TRNAU1AP: variants seen among roughly 807,000 people sequenced by gnomAD.
The protein encoded by TRNAU1AP is tRNA selenocysteine 1 associated protein 1.
TRNAU1AP carries 33 observed loss-of-function variants against 43.3 expected under a neutral mutation model. The ratio of observed to expected loss-of-function variants is 0.76; its 90% CI spans 0.58 to 1.02. The LOEUF (loss-of-function observed/expected upper bound fraction) is 1.02. Among genes scored for constraint, TRNAU1AP ranks in the 50% least tolerant of loss-of-function variants. The probability of loss-of-function intolerance (pLI) is 0.00; values close to 1 mark genes in which losing one functional copy is unlikely to be tolerated. For synonymous variants in TRNAU1AP, 143 were observed against 129.1 expected, an observed-to-expected ratio of 1.11 and a Z score of -0.73; for missense variants, 290 against 362.7, an observed-to-expected ratio of 0.80 and a Z score of 1.63.
chr1:28,554,275 A>G (rs186381491), intron 2 of TRNAU1AP, among the ~76,000 whole-genome samples: 125 of 151,952 alleles, frequency 8.2e-4, no homozygotes, highest in Non-Finnish European at 1.3e-3. Context: ...CTACTCTATG[A>G]CCTTGGGTAA....
intron 6 of TRNAU1AP, among the ~76,000 whole-genome samples, chr1:28,569,116 G>A (rs977810980): frequency 1.3e-5 from 2 of 151,994 alleles, no homozygotes; most frequent in African/African-American, 2.4e-5. Context: ...CAGCCAAATA[G>A]CCATGTTTTT....
chr1:28,561,125 C>T, intron 3 of TRNAU1AP: 1 of 1,406,600 alleles, frequency 7.1e-7, no homozygotes, highest in Non-Finnish European at 9.2e-7. Context: ...ACTTAGCTTA[C>T]AGCTGCACCA....
At chr1:28,565,777 A>T (rs1665523616) in intron 5 of TRNAU1AP, 1 of 148,566 alleles carries the variant, frequency 6.7e-6, no homozygotes, top group Non-Finnish European at 1.5e-5. Context: ...ACAGAGCAAG[A>T]TTCTGTCTCA....
intron 3 of TRNAU1AP, 154 bp from the exon 4 acceptor site, chr1:28,561,192 C>T (rs949780679): frequency 8.2e-6 from 12 of 1,458,770 alleles, no homozygotes; most frequent in South Asian, 1.4e-5. Context: ...AGCGGTCATC[C>T]GTGCAACCCC....
At chr1:28,557,648 G>T (rs1467342552) in intron 2 of TRNAU1AP, among the ~76,000 whole-genome samples, 1 of 151,614 alleles carries the variant, frequency 6.6e-6, no homozygotes, top group Non-Finnish European at 1.5e-5. Flanking sequence ...GAGTGCAGTG[G>T]CGCAATCTTA....
At chr1:28,575,523 C>G (rs1422594104) in intron 8 of TRNAU1AP, among the ~76,000 whole-genome samples, 1 of 147,720 alleles carries the variant, frequency 6.8e-6, no homozygotes, top group Non-Finnish European at 1.5e-5. Flanking sequence ...AGTGCAGTGG[C>G]GCGATCTCAG....
intron 3 of TRNAU1AP, chr1:28,561,082 T>C (rs768930687): frequency 2.3e-5 from 31 of 1,373,160 alleles, no homozygotes; most frequent in Non-Finnish European, 2.9e-5. Context: ...AGGACACATT[T>C]CAAGAGAGTT....
chr1:28,563,965 G>A (rs1010652614), intron 4 of TRNAU1AP, among the ~76,000 whole-genome samples: 2 of 152,048 alleles, frequency 1.3e-5, no homozygotes, highest in Admixed American at 1.3e-4. Flanking sequence ...TCACCCACAA[G>A]CTCGCAGTGG....
At chr1:28,569,985 A>G (rs1474359611) in intron 6 of TRNAU1AP, among the ~76,000 whole-genome samples, 1 of 151,778 alleles carries the variant, frequency 6.6e-6, no homozygotes, top group Non-Finnish European at 1.5e-5. Flanking sequence ...TGGGCGACAG[A>G]GCAAGACTCT....
intron 8 of TRNAU1AP, among the ~76,000 whole-genome samples, chr1:28,574,234 T>C (rs1174529286): frequency 6.6e-6 from 1 of 151,862 alleles, no homozygotes; most frequent in Non-Finnish European, 1.5e-5. Flanking sequence ...ATTACAGGCA[T>C]GCACCACCAC....
chr1:28,553,533 C>A (rs1207886425), intron 1 of TRNAU1AP, 107 bp from the exon 2 acceptor site: 45 of 1,063,080 alleles, frequency 4.2e-5, no homozygotes, highest in Non-Finnish European at 5.6e-5. Flanking sequence ...GCCCCTCGCT[C>A]CCCCAGCGGC....
At chr1:28,568,934 C>T (rs1422087905) in intron 6 of TRNAU1AP, among the ~76,000 whole-genome samples, 1 of 152,028 alleles carries the variant, frequency 6.6e-6, no homozygotes, top group African/African-American at 2.4e-5. Context: ...GCCTCAGCCT[C>T]CCGAGTAGCT....
rs1303090979 is a variant in TRNAU1AP at position 28,578,160 on chromosome 1, T to C, written c.*524T>C. 1 of 157,730 alleles carries C rather than the reference T, an allele frequency of 6.3e-6. No homozygotes were observed. Among genetic ancestry groups the C allele is most frequent in the African/African-American group, 2.4e-5 (1 of 41,468 alleles). The allele number at this position is 157,730 out of a possible 1,614,324, so 9.8% of individuals were successfully genotyped here. ...GGCCAGTTGGCCTAAGAATTAGTAC[T>C]TGCTCTAATAATGGGTTTCATCTAT... On this transcript the variant is annotated 3_prime_UTR_variant, in exon 9 of 9. Transcript: ENST00000373830.
At chr1:28,574,318 C>T (rs1256503483) in intron 8 of TRNAU1AP, among the ~76,000 whole-genome samples, 3 of 151,928 alleles carry the variant, frequency 2.0e-5, no homozygotes, top group Non-Finnish European at 4.4e-5. Context: ...GAACTCCTTA[C>T]CTCAAGTAAT....
chr1:28,571,183 G>A lies in TRNAU1AP; in HGVS notation c.538G>A (p.Val180Ile). The A allele has an allele frequency of 6.2e-7, 1 of 1,614,044 alleles. No homozygotes were observed. The change falls in exon 7 of 9, where the codon GTA becomes ATA. Residue 180 changes from valine (V) to isoleucine (I), a missense_variant. Val to Ile is a conservative substitution (Grantham distance 29). Coordinates refer to ENST00000373830, the MANE Select transcript of TRNAU1AP (RefSeq NM_017846.5). ...LSVAIPKASR[V>I]KPVEYSQMYS... ...TTTCTGTCTTCATTTAAGGAGCCGT[G>A]TAAAGCCAGTGGAATATAGTCAGAT...
intron 6 of TRNAU1AP, among the ~76,000 whole-genome samples, chr1:28,570,324 T>G (rs952456304): frequency 2.0e-5 from 3 of 152,002 alleles, no homozygotes; most frequent in East Asian, 3.9e-4. Flanking sequence ...CTAGGCCCAT[T>G]GCAACCTCTG....
In TRNAU1AP at chr1:28,569,831, CAA is replaced by C. The variant is rs760723401; in HGVS notation, c.531-1326_531-1325del. ...GAAACCCCGTCTCTACTAAAAATAC[CAA>C]AAAAAAAAAAAAAAAAAATTAGCCG... On this transcript the variant is annotated intron_variant, in intron 6 of 8. Coordinates refer to ENST00000373830, the MANE Select transcript of TRNAU1AP (RefSeq NM_017846.5). Among the ~76,000 whole-genome samples the C allele has an allele frequency of 5.8e-3, 615 of 106,320 alleles. 5 individuals are homozygous for C. The highest frequency in any genetic ancestry group is 0.017 in the African/African-American group (508 of 29,402). The allele number at this position is 106,320 out of a possible 152,430, so 69.8% of individuals were successfully genotyped here.
intron 8 of TRNAU1AP, chr1:28,574,851 T>C (rs1483177227): frequency 6.6e-6 from 1 of 152,190 alleles, no homozygotes; most frequent in Admixed American, 6.5e-5. Context: ...AACAAACTTG[T>C]CTAGTTCATA....
intron 8 of TRNAU1AP, among the ~76,000 whole-genome samples, chr1:28,577,039 C>G (rs1665803220): frequency 6.6e-6 from 1 of 152,204 alleles, no homozygotes; most frequent in Non-Finnish European, 1.5e-5. Flanking sequence ...GTACTCTAGC[C>G]TGTGTGACAG....
Sources: gnomAD v4.1 joint callset for allele counts (sites outside exome capture counted in the v4.1 genomes callset) on GRCh38, gnomAD v4.1.1 for gene constraint, MANE v1.5 for transcripts, NCBI Gene and HGNC (gene_info 2026-07-23, HGNC 2026-07-21) for gene names.